The following PMEPA1 variants were observed in gnomAD, a reference collection of about 807,000 sequenced individuals.
PMEPA1 encodes the protein protein TMEPAI.
In PMEPA1, 11 loss-of-function variants were observed where a neutral mutation model predicts 23.0. That is an observed-to-expected ratio of 0.48 (90% CI 0.30 to 0.79). PMEPA1 has a LOEUF of 0.79. Ranked by LOEUF, PMEPA1 falls within the 30% of genes least tolerant of loss-of-function variation. The probability of loss-of-function intolerance (pLI) is 0.06; values close to 1 mark genes in which losing one functional copy is unlikely to be tolerated. For synonymous variants in PMEPA1, 204 were observed against 166.4 expected (o/e 1.23, Z -1.74); for missense variants, 377 against 390.9 (o/e 0.96, Z 0.30).
intron 2 of PMEPA1, 145 bp from the exon 3 acceptor site, chr20:57,653,231 AGCCCCTG>A (rs2146635690): frequency 1.4e-6 from 1 of 712,358 alleles, no homozygotes; most frequent in East Asian, 2.7e-5. Context: ...CAGCTTCCCC[AGCCCCTG>A]GCCCTGGGCG....
chr20:57,692,159 A>C (rs151290046), intron 1 of PMEPA1, among the ~76,000 whole-genome samples: 1 of 152,198 alleles, frequency 6.6e-6, no homozygotes, highest in Non-Finnish European at 1.5e-5. Context: ...CCTTGCCACA[A>C]ACTGTCTCAT....
At chr20:57,689,110 C>T (rs575338055) in intron 1 of PMEPA1, among the ~76,000 whole-genome samples, 3 of 151,990 alleles carry the variant, frequency 2.0e-5, no homozygotes, top group Admixed American at 6.5e-5. Flanking sequence ...GGTTTCAAAA[C>T]GCGTTTCTGT....
At position 57,649,469 on chromosome 20, in the gene PMEPA1, C is replaced by T. The variant is rs887208571; in HGVS notation, c.*2584G>A. 3 of 152,344 alleles carry T rather than the reference C, an allele frequency of 2.0e-5. No homozygotes were observed. Among genetic ancestry groups the T allele is most frequent in the South Asian group, 2.1e-4 (1 of 4,820 alleles). The allele number at this position is 152,344 out of a possible 1,614,324, so 9.4% of individuals were successfully genotyped here. On this transcript the variant is annotated 3_prime_UTR_variant, in exon 4 of 4. Transcript: ENST00000341744. ...TCATGAGAGGGACAGGCTCTGTCCTCAAGCCGGCTGAGGGCAGCAACCACT... is the reference window on the plus strand; with the variant it reads ...TCATGAGAGGGACAGGCTCTGTCCTTAAGCCGGCTGAGGGCAGCAACCACT...
intron 1 of PMEPA1, among the ~76,000 whole-genome samples, chr20:57,708,655 T>C (rs918891840): frequency 6.6e-6 from 1 of 152,054 alleles, no homozygotes; most frequent in Admixed American, 6.5e-5. Flanking sequence ...ACAGAGGCTA[T>C]TTATAGGTGC....
intron 1 of PMEPA1, among the ~76,000 whole-genome samples, chr20:57,697,527 C>T (rs571762086): frequency 6.6e-6 from 1 of 152,358 alleles, no homozygotes; most frequent in East Asian, 1.9e-4. Flanking sequence ...TTTCTCACAG[C>T]CATCCAACCA....
rs1411706748 is a variant in PMEPA1, at chr20:57,655,724, G to A, written c.265-2638C>T. On this transcript the variant is annotated intron_variant, in intron 2 of 3. Transcript: ENST00000341744. This position sits in a 1 kb window ranked among gnomAD's most constrained non-coding sequence, Gnocchi z 4.2. ...AACCACTCCCAGACTCCCAGGGCTC[G>A]GGGTGGACTCCTCTTCTTTGAAGTG... Among the ~76,000 whole-genome samples, 2 of 152,190 alleles carry A rather than the reference G, an allele frequency of 1.3e-5. No homozygotes were observed.
rs2071977122 is a variant in PMEPA1, at chr20:57,698,998, A to G, written c.109+10476T>C. On this transcript the variant is annotated intron_variant, in intron 1 of 3. Transcript: ENST00000341744. ...ACATCCACGAGGTGTTTCAGATTGA[A>G]GCTCTGCTACCTGCTGTATAACTCA... Among the ~76,000 whole-genome samples, 5 of 152,332 alleles carry G rather than the reference A, an allele frequency of 3.3e-5. No homozygotes were observed. In the South Asian group the frequency reaches 1.0e-3, roughly 32 times the overall value.
At chr20:57,691,076 T>C (rs1040190706) in intron 1 of PMEPA1, among the ~76,000 whole-genome samples, 3 of 152,164 alleles carry the variant, frequency 2.0e-5, no homozygotes, top group African/African-American at 7.2e-5. Flanking sequence ...TCTACAGTCA[T>C]TGGTTTTCTG....
chr20:57,657,620 C>T (rs574714090), intron 2 of PMEPA1, among the ~76,000 whole-genome samples: 2 of 152,354 alleles, frequency 1.3e-5, no homozygotes, highest in East Asian at 3.9e-4. Flanking sequence ...GTCTGTGGGC[C>T]AGGCATTCCC....
intron 1 of PMEPA1, among the ~76,000 whole-genome samples, chr20:57,674,332 A>G (rs1195498313): frequency 6.6e-6 from 1 of 152,238 alleles, no homozygotes; most frequent in Non-Finnish European, 1.5e-5. Context: ...GTGGCCATCT[A>G]CAAGCCACAA....
In PMEPA1 at chr20:57,682,233, G is replaced by A. The variant is rs1003427774; in HGVS notation, c.110-22536C>T. ...CAGACACAGCTACCTTCGATGGGAG[G>A]TGACGGCGTAGCAAAGGCTCCCAGT... On this transcript the variant is annotated intron_variant, in intron 1 of 3. Coordinates refer to ENST00000341744, the MANE Select transcript of PMEPA1 (RefSeq NM_020182.5). The surrounding 1 kb of genome is among the most constrained non-coding windows in gnomAD (Gnocchi z 4.4). Among the ~76,000 whole-genome samples, 6 of 152,244 alleles carry A rather than the reference G, an allele frequency of 3.9e-5. No individual in the cohort carries two copies. Among genetic ancestry groups the A allele is most frequent in the Non-Finnish European group, 5.9e-5 (4 of 68,044 alleles).
At chr20:57,700,375 T>G (rs963780852) in intron 1 of PMEPA1, among the ~76,000 whole-genome samples, 1 of 152,242 alleles carries the variant, frequency 6.6e-6, no homozygotes, top group African/African-American at 2.4e-5. Flanking sequence ...AAATAAGCAC[T>G]TGGCACAGCC....
chr20:57,662,499 C>G (rs753885413), intron 1 of PMEPA1, among the ~76,000 whole-genome samples: 1 of 152,208 alleles, frequency 6.6e-6, no homozygotes, highest in Non-Finnish European at 1.5e-5. Context: ...AGCCCTGGGC[C>G]GCCTGTGGGA....
intron 1 of PMEPA1, among the ~76,000 whole-genome samples, chr20:57,689,181 G>C (rs3829691): frequency 1.3e-5 from 2 of 152,038 alleles, no homozygotes; most frequent in African/African-American, 4.8e-5. Flanking sequence ...CTGGTCACTC[G>C]CTGGGCAGGC....
chr20:57,669,441 G>A (rs547918597), intron 1 of PMEPA1, among the ~76,000 whole-genome samples: 102 of 152,284 alleles, frequency 6.7e-4, no homozygotes, highest in East Asian at 1.4e-3. Flanking sequence ...GATTACAGGC[G>A]TGAGCCACCG....
In PMEPA1 at chr20:57,672,747, C is replaced by T. The variant is rs116266167; in HGVS notation, c.110-13050G>A. On this transcript the variant is annotated intron_variant, in intron 1 of 3. Transcript: ENST00000341744. Reference sequence around the variant, plus strand: ...TGGGCAGGCCCCTTGCACCATCGGGCTCCCAGGAGTCGAATCCAATTCAGT... The same window carrying T: ...TGGGCAGGCCCCTTGCACCATCGGGTTCCCAGGAGTCGAATCCAATTCAGT... 2.0e-3 allele frequency among the ~76,000 whole-genome samples: 307 copies of T among 152,258 alleles called. 1 individual carries two copies. Among genetic ancestry groups the T allele is most frequent in the African/African-American group, 6.8e-3 (284 of 41,546 alleles).
At chr20:57,707,841 ACT>A (rs2072109692) in intron 1 of PMEPA1, among the ~76,000 whole-genome samples, 1 of 151,886 alleles carries the variant, frequency 6.6e-6, no homozygotes, top group African/African-American at 2.4e-5. Flanking sequence ...CTAAGGCAAG[ACT>A]CTCCAAACGT....
At chr20:57,653,540 C>A (rs2071283974) in intron 2 of PMEPA1, among the ~76,000 whole-genome samples, 1 of 152,228 alleles carries the variant, frequency 6.6e-6, no homozygotes, top group Non-Finnish European at 1.5e-5. Flanking sequence ...AATTACAGTT[C>A]TTGAGATTAC....
At chr20:57,654,093 C>T (rs1289738562) in intron 2 of PMEPA1, among the ~76,000 whole-genome samples, 1 of 152,134 alleles carries the variant, frequency 6.6e-6, no homozygotes, top group East Asian at 1.9e-4. Context: ...GGCACAGCTG[C>T]CACTTCATGA....
Sources: gnomAD v4.1 joint callset for allele counts (sites outside exome capture counted in the v4.1 genomes callset) on GRCh38, gnomAD v4.1.1 for gene constraint, Gnocchi (gnomAD v3.1) non-coding constraint, MANE v1.5 for transcripts, NCBI Gene and HGNC (gene_info 2026-07-23, HGNC 2026-07-21) for gene names.